Variants in LRFN5 observed in about 807,000 individuals in gnomAD.
The protein encoded by LRFN5 is leucine rich repeat and fibronectin type III domain containing 5, also known as leucine-rich repeat and fibronectin type-III domain-containing protein 5.
Under a neutral mutation model 45.6 loss-of-function variants are expected in LRFN5, and 24 were observed. That is an observed-to-expected ratio of 0.53 (90% CI 0.38 to 0.74). LRFN5 has a LOEUF of 0.74. Among genes scored for constraint, LRFN5 ranks in the 30% least tolerant of loss-of-function variants. LRFN5 has a pLI of 0.00. For missense variants in LRFN5, 776 were observed against 861.5 expected (o/e 0.90, Z 1.24); for synonymous variants, 340 against 313.8 (o/e 1.08, Z -0.88).
intron 1 of LRFN5, among the ~76,000 whole-genome samples, chr14:41,740,726 A>G (rs895072814): frequency 6.6e-6 from 1 of 151,906 alleles, no homozygotes; most frequent in African/African-American, 2.4e-5. Flanking sequence ...GAAAAAAGAA[A>G]TAAAAGGCCT....
Position 41,904,166 on chromosome 14 carries a change from G to A in LRFN5, c.2151G>A (p.Glu717=), listed in dbSNP as rs116217484. 1,486 of 1,604,858 alleles carry A rather than the reference G, an allele frequency of 9.3e-4. 11 individuals are homozygous for A. The African/African-American group carries it at 0.018, about 20-fold the overall frequency. Reference sequence around the variant, plus strand: ...TTTTTCTTTCATTTCAGAGGCTGGAGTTAATCTGAAGAGCACCACTTCTCC... The same window carrying A: ...TTTTTCTTTCATTTCAGAGGCTGGAATTAATCTGAAGAGCACCACTTCTCC... ...DQIVQETQRL[E]LI The change falls in exon 6 of 6, where the codon GAG becomes GAA. Residue 717 remains glutamate (E), a synonymous_variant. Transcript: ENST00000298119.
At chr14:41,790,089 A>T (rs1886865730) in intron 2 of LRFN5, among the ~76,000 whole-genome samples, 1 of 151,902 alleles carries the variant, frequency 6.6e-6, no homozygotes, top group Non-Finnish European at 1.5e-5. Context: ...GTTGTGGAAG[A>T]TGTGGTATTA....
intron 2 of LRFN5, among the ~76,000 whole-genome samples, chr14:41,830,946 A>G (rs1236568731): frequency 6.6e-6 from 1 of 152,198 alleles, no homozygotes; most frequent in Non-Finnish European, 1.5e-5. Context: ...TCTTTCTTCT[A>G]CATCTCACAG....
intron 1 of LRFN5, among the ~76,000 whole-genome samples, chr14:41,666,303 TA>T (rs891774252): frequency 5.9e-5 from 9 of 151,838 alleles, no homozygotes; most frequent in African/African-American, 9.7e-5. Context: ...GCTCCCCAAT[TA>T]AAAAAAATCT....
rs562743706 is a variant in LRFN5 at position 41,754,167 on chromosome 14, A to C, written c.-196-12687A>C. ...GATGTGCTGCTGGATTCGGTTTGCC[A>C]GTATTTTATTGAGGATTTTTGCATC... On this transcript the variant is annotated intron_variant, in intron 1 of 5. Coordinates refer to ENST00000298119, the MANE Select transcript of LRFN5 (RefSeq NM_152447.5). Among the ~76,000 whole-genome samples the C allele has an allele frequency of 5.2e-4, 79 of 152,284 alleles. No homozygotes were observed. In the South Asian group the frequency reaches 0.016, roughly 30 times the overall value.
intron 1 of LRFN5, among the ~76,000 whole-genome samples, chr14:41,716,481 C>T (rs909191204): frequency 6.6e-6 from 1 of 152,130 alleles, no homozygotes; most frequent in African/African-American, 2.4e-5. Context: ...CCTAAATAAT[C>T]TCTATCAAGT....
intron 1 of LRFN5, among the ~76,000 whole-genome samples, chr14:41,752,289 A>C (rs1396824398): frequency 1.3e-5 from 2 of 152,154 alleles, no homozygotes; most frequent in Admixed American, 1.3e-4. Context: ...CAGTAATAGG[A>C]TGGCTGGGTC....
At chr14:41,701,296 A>C (rs899274403) in intron 1 of LRFN5, 2 of 152,208 alleles carry the variant, frequency 1.3e-5, no homozygotes, top group Non-Finnish European at 2.9e-5. Flanking sequence ...TATGAACCAC[A>C]TGCTGTACAT....
chr14:41,897,660 A>G (rs1594507094), intron 4 of LRFN5, among the ~76,000 whole-genome samples: 1 of 152,258 alleles, frequency 6.6e-6, no homozygotes, highest in Middle Eastern at 3.4e-3. Flanking sequence ...TATAACTGTT[A>G]CTTATCAGAT....
At chr14:41,877,028 A>C (rs1223831533) in intron 2 of LRFN5, among the ~76,000 whole-genome samples, 1 of 152,230 alleles carries the variant, frequency 6.6e-6, no homozygotes, top group Non-Finnish European at 1.5e-5. Flanking sequence ...AAAGTGCTAC[A>C]TAATCAGAAA....
At chr14:41,889,563 A>G (rs1020752576) in intron 3 of LRFN5, among the ~76,000 whole-genome samples, 1 of 152,148 alleles carries the variant, frequency 6.6e-6, no homozygotes, top group Admixed American at 6.6e-5. Flanking sequence ...AGCTCTGTGA[A>G]ATAAGCCAGA....
intron 1 of LRFN5, among the ~76,000 whole-genome samples, chr14:41,726,157 T>C (rs995481100): frequency 2.6e-5 from 4 of 152,176 alleles, no homozygotes; most frequent in African/African-American, 9.6e-5. Context: ...CTGTTCCTAT[T>C]TGGAGCTCAA....
Position 41,608,511 on chromosome 14 carries a change from A to C in LRFN5, c.-248A>C, listed in dbSNP as rs1403253718. The C allele has an allele frequency of 6.5e-6, 1 of 152,688 alleles. No homozygotes were observed. The highest frequency in any genetic ancestry group is 1.5e-5 in the Non-Finnish European group (1 of 68,094). 9.5% of individuals were successfully genotyped at this position (152,688 alleles called of 1,614,324 possible). On this transcript the variant is annotated 5_prime_UTR_variant, in exon 1 of 6. Transcript: ENST00000298119. ...CCTGGAGCCACCTTGCCGGGATTGT[A>C]CCTGCAGGCAGAAAGTCTTCCTACG...
chr14:41,650,745 G>C (rs1880072919), intron 1 of LRFN5, among the ~76,000 whole-genome samples: 1 of 152,094 alleles, frequency 6.6e-6, no homozygotes, highest in African/African-American at 2.4e-5. Context: ...TTAAGTTAAA[G>C]TACATTGCTA....
intron 4 of LRFN5, among the ~76,000 whole-genome samples, chr14:41,896,740 T>C (rs1190641662): frequency 6.6e-6 from 1 of 152,126 alleles, no homozygotes; most frequent in African/African-American, 2.4e-5. Flanking sequence ...TGTTTATTTA[T>C]TATTATGTTT....
intron 2 of LRFN5, among the ~76,000 whole-genome samples, chr14:41,856,676 T>TTATTTTTTTTTTTA (rs556475186): frequency 5.7e-4 from 4 of 6,986 alleles, no homozygotes; most frequent in Non-Finnish European, 2.3e-3. Context: ...ATTATTATTA[T>TTATTTTTTTTTTTA]TTTTTTTTTT....
At chr14:41,892,522 A>G in intron 4 of LRFN5, 1 of 972,748 alleles carries the variant, frequency 1.0e-6, no homozygotes, top group African/African-American at 1.8e-5. Flanking sequence ...AGGGCCACCT[A>G]TGGATAATTG....
chr14:41,898,621 C>T lies in LRFN5; in HGVS notation c.2099-296C>T, dbSNP rs75610002. The stretch of plus-strand genomic sequence containing the variant: ...ACAGAAACTCGATTATCTTATTGAA[C>T]TCTGTCACGAATACCAAATGCATAT... On this transcript the variant is annotated intron_variant, in intron 4 of 5. Transcript: ENST00000298119. Among the ~76,000 whole-genome samples the T allele has an allele frequency of 3.8e-3, 577 of 152,030 alleles. 6 individuals carry two copies. Among genetic ancestry groups the T allele is most frequent in the African/African-American group, 0.013 (552 of 41,540 alleles).
chr14:41,903,746 A>G (rs1891167511), intron 5 of LRFN5, among the ~76,000 whole-genome samples: 1 of 151,966 alleles, frequency 6.6e-6, no homozygotes, highest in Non-Finnish European at 1.5e-5. Context: ...TATCATACAC[A>G]TTTTCTAGCA....
Sources: allele counts gnomAD v4.1 joint callset (sites outside exome capture counted in the v4.1 genomes callset), GRCh38; gene constraint gnomAD v4.1.1; transcripts MANE v1.5; gene names NCBI Gene and HGNC (gene_info 2026-07-23, HGNC 2026-07-21).